Variants in STBD1 observed in about 807,000 individuals in gnomAD.
STBD1 encodes the protein starch binding domain 1, also known as starch-binding domain-containing protein 1.
Under a neutral mutation model 10.5 loss-of-function variants are expected in STBD1, and 13 were observed. The ratio of observed to expected loss-of-function variants is 1.24; its 90% CI spans 0.81 to 1.97. The LOEUF is 1.97. Among genes scored for constraint, STBD1 ranks in the 30% most tolerant of loss-of-function variants. The pLI is 0.00. For missense variants in STBD1, 427 were observed against 435.6 expected (o/e 0.98, Z 0.17); for synonymous variants, 146 against 160.2 (o/e 0.91, Z 0.67).
rs1026664575 is a variant in STBD1, at chr4:76,309,835, T to G, written c.912T>G (p.Asp304Glu). The change falls in exon 2 of 2, where the codon GAT (aspartate) becomes GAG (glutamate). Residue 304 changes from aspartate to glutamate, a missense_variant. Coordinates refer to ENST00000237642, the MANE Select transcript of STBD1 (RefSeq NM_003943.5). The part of the protein sequence containing the change: ...NTYIPLHYNK[D>E]GFWSHSIFLP... ...ACATCCCACTCCACTATAACAAGGATGGGTTCTGGTCTCATTCCATTTTCC... is the reference window on the plus strand; with the variant it reads ...ACATCCCACTCCACTATAACAAGGAGGGGTTCTGGTCTCATTCCATTTTCC... 2 of 1,613,840 alleles carry G rather than the reference T, an allele frequency of 1.2e-6. No individual in the cohort carries two copies. Among genetic ancestry groups the G allele is most frequent in the Non-Finnish European group, 1.7e-6 (2 of 1,179,804 alleles).
chr4:76,309,929 G>T lies in STBD1; in HGVS notation c.1006G>T (p.Glu336Ter). 6.2e-7 allele frequency: 1 copy of T among 1,614,088 alleles called. No homozygotes were observed. The highest frequency in any genetic ancestry group is 1.1e-5 in the South Asian group (1 of 91,076). ...VENGGVTRWE[E>*]CSNRFLETGH... ...GAATGGGGGAGTTACCCGCTGGGAA[G>T]AATGCAGCAATAGATTCCTAGAAAC... The change falls in exon 2 of 2, where the codon GAA becomes TAA. Residue 336 changes from glutamate to a stop codon, truncating the protein, a stop_gained. Coordinates refer to ENST00000237642, the MANE Select transcript of STBD1 (RefSeq NM_003943.5). LOFTEE classifies it high-confidence loss of function.
In STBD1 at chr4:76,310,284, A is replaced by G; in HGVS notation, c.*284A>G. ...CTGATTGACAGACTTGTGCTGATCC[A>G]TTATTACTTTAGGGCTTGATTCTCT... On this transcript the variant is annotated 3_prime_UTR_variant, in exon 2 of 2. Coordinates refer to ENST00000237642, the MANE Select transcript of STBD1 (RefSeq NM_003943.5). 2 of 353,154 alleles carry G rather than the reference A, an allele frequency of 5.7e-6. No individual in the cohort carries two copies. Among genetic ancestry groups the G allele is most frequent in the Non-Finnish European group, 1.0e-5 (2 of 193,220 alleles). 21.9% of individuals were successfully genotyped at this position (353,154 alleles called of 1,614,324 possible). A position where few individuals can be genotyped will look rare whatever the true frequency, so the allele number is the denominator to read the frequency against.
chr4:76,309,029 T>C, intron 1 of STBD1, 115 bp from the exon 2 acceptor site: 1 of 1,407,306 alleles, frequency 7.1e-7, no homozygotes, highest in Non-Finnish European at 9.5e-7. Context: ...GGGGACTTTG[T>C]GAATTGCAGA....
At position 76,309,332 on chromosome 4, in the gene STBD1, TA is replaced by T; in HGVS notation, c.410del (p.Tyr137SerfsTer51). 2 of 1,612,750 alleles carry T rather than the reference TA, an allele frequency of 1.2e-6. No individual in the cohort carries two copies. Among genetic ancestry groups the T allele is most frequent in the South Asian group, 1.1e-5 (1 of 90,686 alleles). ...ATSETSNSRS[Y>X]SEVSRNESLE... The stretch of plus-strand genomic sequence containing the variant: ...CTCTGAGACCAGTAACTCTAGGAGT[TA>T]CTCTGAAGTTTCAAGAAATGAAAGC... On this transcript the variant is annotated frameshift_variant, in exon 2 of 2. Transcript: ENST00000237642. LOFTEE classifies it low-confidence loss of function (END_TRUNC).
intron 1 of STBD1, 118 bp downstream of exon 1, chr4:76,307,107 G>A: frequency 1.9e-6 from 2 of 1,076,274 alleles, no homozygotes; most frequent in Non-Finnish European, 2.7e-6. Context: ...CTGCGGACGG[G>A]CTCTCCTAAG....
rs142934260 is a variant in STBD1, at chr4:76,309,814, C to T, written c.891C>T (p.Ile297=). The T allele has an allele frequency of 3.1e-5, 50 of 1,613,942 alleles. No homozygotes were observed. Among genetic ancestry groups the T allele is most frequent in the Admixed American group, 8.3e-5 (5 of 59,996 alleles). The change falls in exon 2 of 2, where the codon ATC becomes ATT. Residue 297 remains isoleucine (I), a synonymous_variant. Coordinates refer to ENST00000237642, the MANE Select transcript of STBD1 (RefSeq NM_003943.5). ...HECLGRWNTY[I]PLHYNKDGFW... ...GTCTTGGGAGATGGAACACTTACAT[C>T]CCACTCCACTATAACAAGGATGGGT...
chr4:76,307,983 T>C (rs905246716), intron 1 of STBD1, among the ~76,000 whole-genome samples: 3 of 152,158 alleles, frequency 2.0e-5, no homozygotes, highest in African/African-American at 7.2e-5. Context: ...GGTTGAAAAG[T>C]TGGGAATCCA....
rs1718884218 is a variant in STBD1, at chr4:76,309,574, G to A, written c.651G>A (p.Val217=). ...ACTCATCTTGGGGGGATGTTGGTGTGGGTGGCAGTCTTAAGGCTCCAGTGT... is the reference window on the plus strand; with the variant it reads ...ACTCATCTTGGGGGGATGTTGGTGTAGGTGGCAGTCTTAAGGCTCCAGTGT... ...PRHSSWGDVG[V]GGSLKAPVLN... Residue 217 remains valine (V), a synonymous_variant, in exon 2 of 2, where the codon GTG becomes GTA. Coordinates refer to ENST00000237642, the MANE Select transcript of STBD1 (RefSeq NM_003943.5). 1 of 1,614,252 alleles carries A rather than the reference G, an allele frequency of 6.2e-7. No individual in the cohort carries two copies. Among genetic ancestry groups the A allele is most frequent in the Non-Finnish European group, 8.5e-7 (1 of 1,180,052 alleles).
rs1271866079 is a variant in STBD1, at chr4:76,309,934, C to T, written c.1011C>T (p.Cys337=). ...GGGGAGTTACCCGCTGGGAAGAATGCAGCAATAGATTCCTAGAAACTGGCC... is the reference window on the plus strand; with the variant it reads ...GGGGAGTTACCCGCTGGGAAGAATGTAGCAATAGATTCCTAGAAACTGGCC... The part of the protein sequence containing the change: ...ENGGVTRWEE[C]SNRFLETGHE... Residue 337 remains cysteine, a synonymous_variant, in exon 2 of 2, where the codon TGC becomes TGT. Transcript: ENST00000237642. 1 of 1,613,984 alleles carries T rather than the reference C, an allele frequency of 6.2e-7. No individual in the cohort carries two copies.
chr4:76,309,463 G>A lies in STBD1; in HGVS notation c.540G>A (p.Lys180=). 1 of 1,614,242 alleles carries A rather than the reference G, an allele frequency of 6.2e-7. No individual in the cohort carries two copies. Among genetic ancestry groups the A allele is most frequent in the Non-Finnish European group, 8.5e-7 (1 of 1,180,046 alleles). ...AGTTGCCTTCTAGCAACCTGCTCAA[G>A]AACAGAGCTAAAGAAGAAATGAGCC... ...AEKLPSSNLL[K]NRAKEEMSLS... The change falls in exon 2 of 2, where the codon AAG becomes AAA. Residue 180 remains lysine, a synonymous_variant. Transcript: ENST00000237642.
rs1718925565 is a variant in STBD1 at position 76,311,005 on chromosome 4, A to G, written c.*1005A>G. 2 of 152,168 alleles carry G rather than the reference A, an allele frequency of 1.3e-5. No individual in the cohort carries two copies. Among genetic ancestry groups the G allele is most frequent in the African/African-American group, 4.8e-5 (2 of 41,434 alleles). 9.4% of individuals were successfully genotyped at this position (152,168 alleles called of 1,614,324 possible). On this transcript the variant is annotated 3_prime_UTR_variant, in exon 2 of 2. Coordinates refer to ENST00000237642, the MANE Select transcript of STBD1 (RefSeq NM_003943.5). ...TCCCTCTCCTTTCATACCAGTCACT[A>G]TCTTGGGTAACAAATTTATACAGGA... is the stretch of plus-strand genomic sequence containing the variant.
In STBD1 at chr4:76,309,181, G is replaced by A. The variant is rs1718868472; in HGVS notation, c.258G>A (p.Lys86=). The A allele has an allele frequency of 6.2e-7, 1 of 1,600,720 alleles. No individual in the cohort carries two copies. Among genetic ancestry groups the A allele is most frequent in the South Asian group, 1.1e-5 (1 of 87,612 alleles). Residue 86 remains lysine (K), a synonymous_variant, in exon 2 of 2, where the codon AAG becomes AAA. Transcript: ENST00000237642. Reference sequence around the variant, plus strand: ...AAAGCAATGGACATTTGATTTCTAAGACCAAAGACCTTGGTAAACTGCAAG... The same window carrying A: ...AAAGCAATGGACATTTGATTTCTAAAACCAAAGACCTTGGTAAACTGCAAG... ...LQESNGHLIS[K]TKDLGKLQAA...
chr4:76,309,302 G>C lies in STBD1; in HGVS notation c.379G>C (p.Ala127Pro), dbSNP rs777751995. ...SGQFPDTEAP[A>P]TSETSNSRSY... ...ACAGTTTCCAGACACAGAAGCTCCA[G>C]CTACCTCTGAGACCAGTAACTCTAG... The change falls in exon 2 of 2, where the codon GCT (alanine) becomes CCT (proline). Residue 127 changes from alanine (A) to proline (P), a missense_variant. By Grantham distance (27) the Ala-to-Pro change is conservative (BLOSUM62 -1). Coordinates refer to ENST00000237642, the MANE Select transcript of STBD1 (RefSeq NM_003943.5). The C allele has an allele frequency of 1.9e-6, 3 of 1,614,134 alleles. No individual in the cohort carries two copies. In the Admixed American group the frequency reaches 5.0e-5, roughly 27 times the overall value.
At position 76,310,269 on chromosome 4, in the gene STBD1, G is replaced by A. The variant is rs1718907224; in HGVS notation, c.*269G>A. The A allele has an allele frequency of 2.4e-6, 1 of 418,228 alleles. No individual in the cohort carries two copies. The highest frequency in any genetic ancestry group is 4.6e-5 in the East Asian group (1 of 21,954). The allele number at this position is 418,228 out of a possible 1,614,324, so 25.9% of individuals were successfully genotyped here. On this transcript the variant is annotated 3_prime_UTR_variant, in exon 2 of 2. Transcript: ENST00000237642. The stretch of plus-strand genomic sequence containing the variant: ...CTTTTCCCTGTGGCACTGATTGACA[G>A]ACTTGTGCTGATCCATTATTACTTT...
rs1718920778 is a variant in STBD1 at position 76,310,811 on chromosome 4, T to A, written c.*811T>A. 1 of 152,558 alleles carries A rather than the reference T, an allele frequency of 6.6e-6. No individual in the cohort carries two copies. 9.5% of individuals were successfully genotyped at this position (152,558 alleles called of 1,614,324 possible). On this transcript the variant is annotated 3_prime_UTR_variant, in exon 2 of 2. Coordinates refer to ENST00000237642, the MANE Select transcript of STBD1 (RefSeq NM_003943.5). ...AGTGAGGTGGCCTGAATGACACCTCTTAGAGGACTGTGAAGTACAGGCACA... is the reference window on the plus strand; with the variant it reads ...AGTGAGGTGGCCTGAATGACACCTCATAGAGGACTGTGAAGTACAGGCACA...
Position 76,309,206 on chromosome 4 carries a change from G to T in STBD1, c.283G>T (p.Ala95Ser). ...SKTKDLGKLQ[A>S]ASWRLQNPSR... is the part of the protein sequence containing the mutation. ...GACCAAAGACCTTGGTAAACTGCAAGCAGCATCATGGAGATTGCAGAATCC... is the reference window on the plus strand; with the variant it reads ...GACCAAAGACCTTGGTAAACTGCAATCAGCATCATGGAGATTGCAGAATCC... Residue 95 changes from alanine to serine, a missense_variant, in exon 2 of 2, where the codon GCA becomes TCA. Ala to Ser is a moderately conservative substitution (Grantham distance 99). Transcript: ENST00000237642. The T allele has an allele frequency of 2.5e-6, 4 of 1,612,040 alleles. No individual in the cohort carries two copies. The highest frequency in any genetic ancestry group is 3.4e-6 in the Non-Finnish European group (4 of 1,179,572).
intron 1 of STBD1, 65 bp downstream of exon 1, chr4:76,307,054 G>A: frequency 1.3e-6 from 2 of 1,500,760 alleles, no homozygotes; most frequent in Non-Finnish European, 1.8e-6. Flanking sequence ...GAGGAAGGGA[G>A]CAAAGAGACA....
rs1269437640 is a variant in STBD1 at position 76,309,942 on chromosome 4, G to A, written c.1019G>A (p.Arg340Lys). The A allele has an allele frequency of 6.2e-7, 1 of 1,613,974 alleles. No homozygotes were observed. The highest frequency in any genetic ancestry group is 1.7e-5 in the Admixed American group (1 of 60,018). Residue 340 changes from arginine to lysine, a missense_variant, in exon 2 of 2, where the codon AGA becomes AAA. Arg to Lys is a conservative substitution (Grantham distance 26, BLOSUM62 2). Coordinates refer to ENST00000237642, the MANE Select transcript of STBD1 (RefSeq NM_003943.5). ...GVTRWEECSN[R>K]FLETGHEDKV... ...ACCCGCTGGGAAGAATGCAGCAATA[G>A]ATTCCTAGAAACTGGCCATGAGGAT...
rs779092096 is a variant in STBD1 at position 76,309,538 on chromosome 4, G to A, written c.615G>A (p.Met205Ile). The A allele has an allele frequency of 1.2e-6, 2 of 1,614,246 alleles. No homozygotes were observed. Among genetic ancestry groups the A allele is most frequent in the Non-Finnish European group, 1.7e-6 (2 of 1,180,038 alleles). ...GGGTTGACCACGAGGAGTGGGAAAT[G>A]GTGCCTAGGCACTCATCTTGGGGGG... Reference protein sequence around the residue: ...QDRVDHEEWEMVPRHSSWGDV... With the variant: ...QDRVDHEEWEIVPRHSSWGDV... Residue 205 changes from methionine (M) to isoleucine (I), a missense_variant, in exon 2 of 2, where the codon ATG (methionine) becomes ATA (isoleucine). Transcript: ENST00000237642.
Sources: allele counts gnomAD v4.1 joint callset (sites outside exome capture counted in the v4.1 genomes callset), GRCh38; gene constraint gnomAD v4.1.1; transcripts MANE v1.5; gene names NCBI Gene and HGNC (gene_info 2026-07-23, HGNC 2026-07-21).